The following CCSER1 variants were observed in gnomAD, a reference collection of about 807,000 sequenced individuals.
The protein encoded by CCSER1 is coiled-coil serine rich protein 1.
A neutral mutation model predicts 82.0 loss-of-function variants in CCSER1; 41 were observed. The observed-to-expected ratio is 0.50, with a 90% CI of 0.39 to 0.65. The LOEUF (loss-of-function observed/expected upper bound fraction) is 0.65, where lower values mean the gene tolerates loss of function less well. Among genes scored for constraint, CCSER1 ranks in the 30% least tolerant of loss-of-function variants. The pLI is 0.00. For synonymous variants in CCSER1, 414 were observed against 383.9 expected (o/e 1.08, Z -0.92); for missense variants, 1,119 against 1,064.2 (o/e 1.05, Z -0.72).
At chr4:90,990,859 G>C (rs1736969020) in intron 9 of CCSER1, among the ~76,000 whole-genome samples, 1 of 151,950 alleles carries the variant, frequency 6.6e-6, no homozygotes. Context: ...CAGACCTGGG[G>C]TTGAGTCTGA....
At chr4:91,216,194 ACCTGCCTCCTC>A (rs1443899604) in intron 10 of CCSER1, among the ~76,000 whole-genome samples, 2 of 152,070 alleles carry the variant, frequency 1.3e-5, no homozygotes, top group Admixed American at 1.3e-4. Flanking sequence ...AACCTCCCAT[ACCTGCCTCCTC>A]CAGGCCTGCC....
chr4:90,950,656 AT>A (rs953939871), intron 9 of CCSER1, among the ~76,000 whole-genome samples: 69 of 152,236 alleles, frequency 4.5e-4, no homozygotes, highest in African/African-American at 1.6e-3. Flanking sequence ...GCATACAGTG[AT>A]AACCTTTTTA....
intron 5 of CCSER1, among the ~76,000 whole-genome samples, chr4:90,532,855 C>T (rs1046753164): frequency 6.6e-6 from 1 of 152,096 alleles, no homozygotes; most frequent in African/African-American, 2.4e-5. Flanking sequence ...CTCTACTTCT[C>T]CCAAGTATCT....
intron 1 of CCSER1, among the ~76,000 whole-genome samples, chr4:90,219,008 G>A (rs1190998937): frequency 6.6e-6 from 1 of 152,130 alleles, no homozygotes; most frequent in African/African-American, 2.4e-5. Context: ...TTGACCTAAG[G>A]TTAAGGAGAA....
intron 1 of CCSER1, among the ~76,000 whole-genome samples, chr4:90,204,766 C>A (rs1163145326): frequency 6.6e-6 from 1 of 152,142 alleles, no homozygotes; most frequent in East Asian, 1.9e-4. Flanking sequence ...AGCATTGAAT[C>A]TATAAATTAC....
At chr4:90,565,375 T>C (rs1158572685) in intron 5 of CCSER1, among the ~76,000 whole-genome samples, 1 of 152,196 alleles carries the variant, frequency 6.6e-6, no homozygotes, top group African/African-American at 2.4e-5. Context: ...TGAAACTTAA[T>C]GAACTTTTTT....
intron 8 of CCSER1, among the ~76,000 whole-genome samples, chr4:90,862,316 C>A (rs924638057): frequency 6.6e-6 from 1 of 151,712 alleles, no homozygotes; most frequent in African/African-American, 2.4e-5. Context: ...TAATTATGTA[C>A]GTTAGAAACA....
At chr4:90,340,414 A>T (rs1044635360) in intron 3 of CCSER1, among the ~76,000 whole-genome samples, 5 of 152,200 alleles carry the variant, frequency 3.3e-5, no homozygotes, top group Admixed American at 6.5e-5. Flanking sequence ...TCTTAAAAAA[A>T]GTCCTCAGAG....
At chr4:91,021,380 TACAG>T (rs1489442543) in intron 9 of CCSER1, among the ~76,000 whole-genome samples, 2 of 152,108 alleles carry the variant, frequency 1.3e-5, no homozygotes, top group Admixed American at 6.6e-5. Context: ...TTGTAAAAAA[TACAG>T]ACACTGACTT....
chr4:90,739,280 AG>A (rs1448088062), intron 7 of CCSER1, among the ~76,000 whole-genome samples: 7 of 152,202 alleles, frequency 4.6e-5, no homozygotes, highest in Admixed American at 3.3e-4. Context: ...AGGACCTGAA[AG>A]GGGGGCCTCA....
chr4:91,438,341 G>T (rs975754163), intron 10 of CCSER1, among the ~76,000 whole-genome samples: 1 of 152,222 alleles, frequency 6.6e-6, no homozygotes, highest in African/African-American at 2.4e-5. Flanking sequence ...CTGCGGTTCT[G>T]CAGCCACCAC....
intron 1 of CCSER1, among the ~76,000 whole-genome samples, chr4:90,302,413 A>G (rs1733329825): frequency 6.6e-6 from 1 of 152,090 alleles, no homozygotes; most frequent in Non-Finnish European, 1.5e-5. Context: ...CAATGTTATA[A>G]TAGTAGGAGG....
intron 7 of CCSER1, among the ~76,000 whole-genome samples, chr4:90,787,523 C>T (rs1199109551): frequency 6.6e-6 from 1 of 152,152 alleles, no homozygotes; most frequent in East Asian, 1.9e-4. Context: ...TTAGACATTA[C>T]AATGCTGGTT....
At chr4:90,839,875 G>A (rs565549837) in intron 8 of CCSER1, among the ~76,000 whole-genome samples, 20 of 152,168 alleles carry the variant, frequency 1.3e-4, no homozygotes, top group African/African-American at 4.1e-4. Flanking sequence ...AAGTATAAAG[G>A]ATTGATACAT....
At chr4:90,390,605 A>G (rs896009575) in intron 3 of CCSER1, among the ~76,000 whole-genome samples, 7 of 152,162 alleles carry the variant, frequency 4.6e-5, no homozygotes, top group Non-Finnish European at 8.8e-5. Context: ...GCTGCAAAAG[A>G]CATGCTTTTG....
chr4:91,401,707 T>C (rs144512305), intron 10 of CCSER1, among the ~76,000 whole-genome samples: 2,818 of 152,274 alleles, frequency 0.019, 63 homozygotes, highest in African/African-American at 0.063. Context: ...GCTTCATCCA[T>C]ATCCCTACAA....
chr4:91,437,288 A>G (rs909549642), intron 10 of CCSER1, among the ~76,000 whole-genome samples: 9 of 152,248 alleles, frequency 5.9e-5, no homozygotes, highest in Non-Finnish European at 1.0e-4. Flanking sequence ...TTTGTTCAGA[A>G]GGCAGTTTAT....
intron 10 of CCSER1, among the ~76,000 whole-genome samples, chr4:91,386,121 C>T (rs769070553): frequency 6.6e-6 from 1 of 150,680 alleles, no homozygotes; most frequent in South Asian, 2.1e-4. Flanking sequence ...TTTTTAAATA[C>T]CATTCCCCAG....
At chr4:91,489,947 A>G (rs888137696) in intron 10 of CCSER1, among the ~76,000 whole-genome samples, 1 of 152,212 alleles carries the variant, frequency 6.6e-6, no homozygotes, top group African/African-American at 2.4e-5. Flanking sequence ...ATGAATAGAT[A>G]TTTCTCAAAA....
Sources: gnomAD v4.1 joint callset for allele counts (sites outside exome capture counted in the v4.1 genomes callset) on GRCh38, gnomAD v4.1.1 for gene constraint, MANE v1.5 for transcripts, NCBI Gene and HGNC (gene_info 2026-07-23, HGNC 2026-07-21) for gene names.